IL9R: variants seen among roughly 807,000 people sequenced by gnomAD.
IL9R encodes the protein interleukin-9 receptor.
In IL9R, 54 loss-of-function variants were observed where a neutral mutation model predicts 56.3. That is an observed-to-expected ratio of 0.96 (90% confidence interval 0.77 to 1.20). The LOEUF (loss-of-function observed/expected upper bound fraction) is 1.20. Ranked by LOEUF, IL9R falls within the 50% of genes most tolerant of loss-of-function variation. The pLI is 0.00. For synonymous variants in IL9R, 212 were observed against 250.2 expected, an observed-to-expected ratio of 0.85 and a Z score of 1.44; for missense variants, 545 against 629.8, an observed-to-expected ratio of 0.87 and a Z score of 1.44.
In IL9R at chrX:156,010,074, G is replaced by A. The variant is rs1291012935; in HGVS notation, c.1231G>A (p.Glu411Lys). The A allele has an allele frequency of 1.3e-6, 2 of 1,578,912 alleles. No individual in the cohort carries two copies. The highest frequency in any genetic ancestry group is 1.7e-6 in the Non-Finnish European group (2 of 1,172,596). ...ACAGACGCTTGCCTATCTGCCACAG[G>A]AGGACTGGGCCCCCACGTCCCTGAC... ...RVQTLAYLPQ[E>K]DWAPTSLTRP... The change falls in exon 9 of 9, where the codon GAG becomes AAG. Residue 411 changes from glutamate (E) to lysine (K), a missense_variant. Around this residue, in one of 2 missense-constraint regions of IL9R, gnomAD observed 114 missense variants for 269.8 expected, o/e 0.42. Transcript: ENST00000244174.
At chrX:156,002,641 G>T (rs188721267) in intron 1 of IL9R, among the ~76,000 whole-genome samples, 1 of 152,292 alleles carries the variant, frequency 6.6e-6, no homozygotes, top group South Asian at 2.1e-4. Context: ...TGAGTCAGAG[G>T]CCAGGATCTA....
chrX:156,005,436 T>A lies in IL9R; in HGVS notation c.738T>A (p.Ser246Arg), dbSNP rs769490928. Residue 246 changes from serine (S) to arginine (R), a missense_variant, in exon 6 of 9, where the codon AGT becomes AGA. Physicochemically the swap from Ser to Arg is moderately radical, Grantham distance 110. This residue lies in a region of IL9R where 431 missense variants were observed against 360.0 expected (regional missense o/e 1.20). Coordinates refer to ENST00000244174, the MANE Select transcript of IL9R (RefSeq NM_002186.3). ...VEEERYTGQW[S>R]EWSQPVCFQA... Reference sequence around the variant, plus strand: ...AGGAGCGTTATACAGGCCAGTGGAGTGAGTGGAGCCAGCCTGTGTGCTTCC... The same window carrying A: ...AGGAGCGTTATACAGGCCAGTGGAGAGAGTGGAGCCAGCCTGTGTGCTTCC... 19 of 1,612,648 alleles carry A rather than the reference T, an allele frequency of 1.2e-5. No homozygotes were observed. In the Middle Eastern group the frequency reaches 5.5e-4, roughly 47 times the overall value.
Position 156,003,931 on chromosome X carries a change from C to A in IL9R, c.433+76C>A, listed in dbSNP as rs936541645. ...GGCTGCTTGGGGGTTTGGAGCAGGG[C>A]CTTGCAGCCTGTGAGTGGCCCAGTG... On this transcript the variant is annotated intron_variant, in intron 4 of 8. Coordinates refer to ENST00000244174, the MANE Select transcript of IL9R (RefSeq NM_002186.3). The A allele has an allele frequency of 9.5e-6, 14 of 1,468,646 alleles. No individual in the cohort carries two copies. The African/African-American group carries it at 1.8e-4, about 19-fold the overall frequency. The allele number at this position is 1,468,646 out of a possible 1,614,324, so 91.0% of individuals were successfully genotyped here.
chrX:156,000,630 T>G (rs1160854982), intron 1 of IL9R, among the ~76,000 whole-genome samples: 2 of 151,998 alleles, frequency 1.3e-5, no homozygotes, highest in Non-Finnish European at 2.9e-5. Context: ...TGTTACCAGG[T>G]GTTGTCTGAG....
intron 1 of IL9R, chrX:156,001,515 CT>C (rs760081351): frequency 1.3e-6 from 2 of 1,578,512 alleles, no homozygotes; most frequent in Non-Finnish European, 1.7e-6. Flanking sequence ...AAGGGTGAGG[CT>C]TCCTGATCAT....
chrX:156,009,280 CTGTGTGTGTGTGTGTTTA>C (rs1569479121), intron 8 of IL9R, among the ~76,000 whole-genome samples: 4 of 116,898 alleles, frequency 3.4e-5, no homozygotes, highest in Non-Finnish European at 5.6e-5. Context: ...GTGTGTATGT[CTGTGTGTGTGTGTGTTTA>C]TGTGTGTGTG....
In IL9R at chrX:156,003,384, C is replaced by CA. The variant is rs2124509466; in HGVS notation, c.143-63dup. 2 of 1,152,792 alleles carry CA rather than the reference C, an allele frequency of 1.7e-6. 1 individual carries two copies. The highest frequency in any genetic ancestry group is 4.7e-5 in the East Asian group (2 of 42,716). The allele number at this position is 1,152,792 out of a possible 1,614,324, so 71.4% of individuals were successfully genotyped here. A position where few individuals can be genotyped will look rare whatever the true frequency, so the allele number is the denominator to read the frequency against. ...AGGGTGTCAGCTGTCAGATCCTCCC[C>CA]AACCCCCGAGCTCAGCTCTGGCCTG... is the stretch of plus-strand genomic sequence containing the variant. On this transcript the variant is annotated intron_variant, in intron 2 of 8. Transcript: ENST00000244174.
At chrX:155,999,651 G>A (rs1188786872) in intron 1 of IL9R, among the ~76,000 whole-genome samples, 2 of 152,070 alleles carry the variant, frequency 1.3e-5, no homozygotes, top group Admixed American at 1.3e-4. Context: ...CCATTTTCTG[G>A]CACAGGCTCC....
intron 5 of IL9R, among the ~76,000 whole-genome samples, chrX:156,005,004 T>C (rs1169596683): frequency 1.3e-5 from 2 of 152,008 alleles, no homozygotes; most frequent in African/African-American, 4.8e-5. Flanking sequence ...TGTTTATGAG[T>C]GTGCATGCAA....
Position 156,003,038 on chromosome X carries a change from T to C in IL9R, c.142+19T>C. The C allele has an allele frequency of 6.2e-7, 1 of 1,613,724 alleles. No individual in the cohort carries two copies. Among genetic ancestry groups the C allele is most frequent in the Non-Finnish European group, 8.5e-7 (1 of 1,179,786 alleles). Reference sequence around the variant, plus strand: ...GGACAAGGTGAGGGCTGGGCACTAATGTCTGTATGAGGTGGGTGGAGAACT... The same window carrying C: ...GGACAAGGTGAGGGCTGGGCACTAACGTCTGTATGAGGTGGGTGGAGAACT... On this transcript the variant is annotated intron_variant, in intron 2 of 8. Transcript: ENST00000244174.
intron 1 of IL9R, chrX:156,001,332 C>CCTGG: frequency 2.0e-6 from 2 of 976,462 alleles, no homozygotes; most frequent in Non-Finnish European, 3.3e-6. Flanking sequence ...TTCCCCAGGT[C>CCTGG]CTGGTGGTGA....
In IL9R at chrX:156,004,514, C is replaced by T. The variant is rs140339982; in HGVS notation, c.528C>T (p.Thr176=). 1.2e-6 allele frequency: 2 copies of T among 1,613,574 alleles called. No homozygotes were observed. The highest frequency in any genetic ancestry group is 1.7e-6 in the Non-Finnish European group (2 of 1,179,852). The change falls in exon 5 of 9, where the codon ACC becomes ACT. Residue 176 remains threonine (T), a synonymous_variant. Coordinates refer to ENST00000244174, the MANE Select transcript of IL9R (RefSeq NM_002186.3). The part of the protein sequence containing the change: ...WSISPALEPM[T]TLLSYELAFK... ...TCAGTCCTGCCTTGGAGCCAATGAC[C>T]ACACTTCTCAGCTATGAGCTGGCCT...
At position 155,997,752 on chromosome X, in the gene IL9R, G is replaced by A. The variant is rs2067240526; in HGVS notation, c.-8G>A. 6.2e-7 allele frequency: 1 copy of A among 1,613,692 alleles called. No individual in the cohort carries two copies. The highest frequency in any genetic ancestry group is 8.5e-7 in the Non-Finnish European group (1 of 1,179,774). ...TCACCTCCAGGTTGGGGATGCCTCAGACTTGTGATGGGACTGGGCAGATGC... is the reference window on the plus strand; with the variant it reads ...TCACCTCCAGGTTGGGGATGCCTCAAACTTGTGATGGGACTGGGCAGATGC... On this transcript the variant is annotated 5_prime_UTR_variant, in exon 1 of 9. Transcript: ENST00000244174.
At chrX:155,999,659 T>G (rs1034893427) in intron 1 of IL9R, among the ~76,000 whole-genome samples, 3 of 152,124 alleles carry the variant, frequency 2.0e-5, no homozygotes, top group African/African-American at 7.2e-5. Flanking sequence ...TGGCACAGGC[T>G]CCATGTCCCC....
At chrX:156,001,972 C>G (rs1302792636) in intron 1 of IL9R, among the ~76,000 whole-genome samples, 1 of 152,164 alleles carries the variant, frequency 6.6e-6, no homozygotes, top group Non-Finnish European at 1.5e-5. Flanking sequence ...TGCATGGATA[C>G]CCTGCTGCCA....
At chrX:156,003,049 G>C in intron 2 of IL9R, 30 bp downstream of exon 2, 1 of 1,613,446 alleles carries the variant, frequency 6.2e-7, no homozygotes. Flanking sequence ...GTCTGTATGA[G>C]GTGGGTGGAG....
intron 4 of IL9R, chrX:156,004,145 C>T: frequency 1.7e-6 from 1 of 598,958 alleles, no homozygotes; most frequent in South Asian, 2.0e-5. Context: ...GGAAGGACTC[C>T]AATAAGATGC....
At chrX:156,002,459 G>C (rs1257588915) in intron 1 of IL9R, among the ~76,000 whole-genome samples, 1 of 152,218 alleles carries the variant, frequency 6.6e-6, no homozygotes, top group Non-Finnish European at 1.5e-5. Flanking sequence ...CCCTTACAGA[G>C]CTGTTGTGAG....
intron 5 of IL9R, 43 bp from the exon 6 acceptor site, chrX:156,005,235 C>G: frequency 6.4e-7 from 1 of 1,561,424 alleles, no homozygotes; most frequent in East Asian, 2.2e-5. Flanking sequence ...CTGAGGGACC[C>G]AGCCCCACCT....
Sources: gnomAD v4.1 joint callset for allele counts (sites outside exome capture counted in the v4.1 genomes callset) on GRCh38, gnomAD v4.1.1 for gene constraint, gnomAD v4.1.1 regional missense constraint, MANE v1.5 for transcripts, NCBI Gene and HGNC (gene_info 2026-07-23, HGNC 2026-07-21) for gene names.